MDN1: variants seen among roughly 807,000 people sequenced by gnomAD.
The protein encoded by MDN1 is midasin.
MDN1 carries 266 observed loss-of-function variants against 669.2 expected under a neutral mutation model. The ratio of observed to expected loss-of-function variants is 0.40; its 90% CI spans 0.36 to 0.44. MDN1 has a LOEUF of 0.44. MDN1 is among the 20% of genes least tolerant of loss of function. The probability of loss-of-function intolerance (pLI) is 1.00; values close to 1 mark genes in which losing one functional copy is unlikely to be tolerated. For synonymous variants in MDN1, 2,385 were observed against 2,457.1 expected (o/e 0.97, Z 0.87); for missense variants, 5,940 against 6,754.0 (o/e 0.88, Z 4.22).
At chr6:89,797,415 A>G (rs1431558386) in intron 2 of MDN1, among the ~76,000 whole-genome samples, 1 of 150,718 alleles carries the variant, frequency 6.6e-6, no homozygotes, top group Non-Finnish European at 1.5e-5. Flanking sequence ...AAAATTGTGT[A>G]CAAATGCTCA....
At chr6:89,655,105 ATTTTT>A (rs528936360) in intron 92 of MDN1, among the ~76,000 whole-genome samples, 2 of 147,844 alleles carry the variant, frequency 1.4e-5, no homozygotes, top group African/African-American at 4.9e-5. Flanking sequence ...CTACTGCTCT[ATTTTT>A]TTTTTTAAGT....
In MDN1 at chr6:89,698,871, T is replaced by A; in HGVS notation, c.9162A>T (p.Thr3054=). 1 of 1,613,746 alleles carries A rather than the reference T, an allele frequency of 6.2e-7. No homozygotes were observed. The stretch of plus-strand genomic sequence containing the variant: ...TAATTTTAGACCAACAAACCTTCAA[T>A]GTGGAGTCCAAAACAGACTTGGGTG... ...REAPKSVLDS[T]LKGPGNLNRP... is the part of the protein sequence containing the mutation. The change falls in exon 59 of 102, where the codon ACA becomes ACT. Residue 3054 remains threonine (T), a synonymous_variant. Coordinates refer to ENST00000369393, the MANE Select transcript of MDN1 (RefSeq NM_014611.3).
Position 89,732,644 on chromosome 6 carries a change from C to T in MDN1, c.4855G>A (p.Ala1619Thr), listed in dbSNP as rs371686768. Residue 1619 changes from alanine to threonine, a missense_variant, in exon 34 of 102, where the codon GCT becomes ACT. This residue lies in a region of MDN1 where 2,292 missense variants were observed against 2,638.3 expected (regional missense o/e 0.87). Transcript: ENST00000369393. ...ATGATCTCTGGCCTTTTCAAAGCAG[C>T]TTCCTCCCCCATTTTGTTCATGAAG... ...VNFMNKMGEE[A>T]ALKRPEIIST... 3 of 1,613,974 alleles carry T rather than the reference C, an allele frequency of 1.9e-6. No individual in the cohort carries two copies. Among genetic ancestry groups the T allele is most frequent in the African/African-American group, 2.7e-5 (2 of 74,902 alleles).
intron 40 of MDN1, 93 bp downstream of exon 40, chr6:89,722,862 A>AT (rs1433571339): frequency 1.7e-5 from 20 of 1,168,696 alleles, no homozygotes; most frequent in Non-Finnish European, 2.4e-5. Flanking sequence ...AAAAAAAAAA[A>AT]AAAAAGGCTT....
intron 9 of MDN1, among the ~76,000 whole-genome samples, chr6:89,783,925 C>T (rs985385045): frequency 2.0e-5 from 3 of 149,646 alleles, no homozygotes; most frequent in Non-Finnish European, 3.0e-5. Flanking sequence ...GAGGTTGCAG[C>T]GAGCCAAGAT....
chr6:89,656,403 A>T (rs1809303594), intron 91 of MDN1, among the ~76,000 whole-genome samples: 1 of 152,312 alleles, frequency 6.6e-6, no homozygotes, highest in East Asian at 1.9e-4. Context: ...CCTATGGACA[A>T]TGAAAAGAGT....
rs1808285207 is a variant in MDN1 at position 89,643,364 on chromosome 6, A to ATTTTTT, written c.*640_*641insAAAAAA. Reference sequence around the variant, plus strand: ...AAAGAGGATACTGAAAAGCCACTTCATTTTTACACAGCCCAAGGATCGTTT... The same window carrying ATTTTTT: ...AAAGAGGATACTGAAAAGCCACTTCATTTTTTTTTTTACACAGCCCAAGGATCGTTT... On this transcript the variant is annotated 3_prime_UTR_variant, in exon 102 of 102. Transcript: ENST00000369393. 2 of 152,130 alleles carry ATTTTTT rather than the reference A, an allele frequency of 1.3e-5. No individual in the cohort carries two copies. Among genetic ancestry groups the ATTTTTT allele is most frequent in the Non-Finnish European group, 2.9e-5 (2 of 68,028 alleles). The allele number at this position is 152,130 out of a possible 1,614,324, so 9.4% of individuals were successfully genotyped here.
intron 9 of MDN1, among the ~76,000 whole-genome samples, chr6:89,783,943 C>T (rs1365545116): frequency 1.4e-5 from 2 of 142,010 alleles, no homozygotes; most frequent in Non-Finnish European, 3.0e-5. Context: ...GATCGTGCCA[C>T]AGAGTACTGT....
chr6:89,717,550 T>G (rs1395971983), intron 43 of MDN1, among the ~76,000 whole-genome samples: 1 of 152,202 alleles, frequency 6.6e-6, no homozygotes, highest in Non-Finnish European at 1.5e-5. Flanking sequence ...TAATAGAAAT[T>G]CATAACTCAA....
chr6:89,744,760 G>A lies in MDN1; in HGVS notation c.4178+513C>T, dbSNP rs559809387. Among the ~76,000 whole-genome samples the A allele has an allele frequency of 8.8e-4, 134 of 151,618 alleles. 2 individuals are homozygous for A. Among genetic ancestry groups the A allele is most frequent in the South Asian group, 5.2e-3 (25 of 4,812 alleles). ...TAGCCAAGTGTGGTGGTGCATGCCT[G>A]CAGTCCCAGCTACCTGGGAGGCTGA... On this transcript the variant is annotated intron_variant, in intron 29 of 101. Transcript: ENST00000369393.
intron 93 of MDN1, 44 bp from the exon 94 acceptor site, chr6:89,653,199 G>C: frequency 6.4e-7 from 1 of 1,563,410 alleles, no homozygotes; most frequent in South Asian, 1.2e-5. Context: ...ATATTAGCCT[G>C]ATGACTGACC....
intron 33 of MDN1, among the ~76,000 whole-genome samples, chr6:89,734,217 A>G (rs1016842378): frequency 2.0e-5 from 3 of 152,044 alleles, no homozygotes; most frequent in African/African-American, 7.2e-5. Context: ...CCTGGGAGGC[A>G]GAGGTTGCAG....
intron 45 of MDN1, among the ~76,000 whole-genome samples, chr6:89,715,256 ACTC>A (rs1432441109): frequency 6.6e-6 from 1 of 152,092 alleles, no homozygotes; most frequent in Non-Finnish European, 1.5e-5. Flanking sequence ...TTACCCAGTT[ACTC>A]AAGCCAAAAA....
chr6:89,808,474 C>G (rs1415060920), intron 1 of MDN1, among the ~76,000 whole-genome samples: 1 of 152,148 alleles, frequency 6.6e-6, no homozygotes, highest in Non-Finnish European at 1.5e-5. Context: ...GGTCGTTCCA[C>G]TCCAACTAGT....
At chr6:89,794,339 C>T (rs910031447) in intron 3 of MDN1, 132 bp from the exon 4 acceptor site, 3 of 668,472 alleles carry the variant, frequency 4.5e-6, no homozygotes. Context: ...ACAGAAAATA[C>T]AAATCAGGCA....
At chr6:89,795,153 G>A (rs750162679) in intron 2 of MDN1, among the ~76,000 whole-genome samples, 1 of 152,144 alleles carries the variant, frequency 6.6e-6, no homozygotes, top group South Asian at 2.1e-4. Context: ...AAATCGGGGG[G>A]TACTTAATGT....
At chr6:89,776,430 G>A (rs1370320922) in intron 12 of MDN1, among the ~76,000 whole-genome samples, 170 bp downstream of exon 12, 5 of 152,114 alleles carry the variant, frequency 3.3e-5, no homozygotes, top group East Asian at 1.9e-4. Flanking sequence ...CATTGCACTC[G>A]CGCCATTTGG....
intron 63 of MDN1, among the ~76,000 whole-genome samples, chr6:89,691,760 G>A (rs1812393495): frequency 6.6e-6 from 1 of 152,164 alleles, no homozygotes; most frequent in Non-Finnish European, 1.5e-5. Flanking sequence ...AACTTTACTA[G>A]TGGTTTGTTG....
At chr6:89,772,177 T>C (rs11961752) in intron 14 of MDN1, among the ~76,000 whole-genome samples, 15,191 of 151,686 alleles carry the variant, frequency 0.1, 976 homozygotes, top group South Asian at 0.16. Flanking sequence ...AGATCTGAGG[T>C]AGGAAGATCA....
Sources: gnomAD v4.1 joint callset for allele counts (sites outside exome capture counted in the v4.1 genomes callset) on GRCh38, gnomAD v4.1.1 for gene constraint, gnomAD v4.1.1 regional missense constraint, MANE v1.5 for transcripts, NCBI Gene and HGNC (gene_info 2026-07-23, HGNC 2026-07-21) for gene names.